Variants in SGCZ observed in about 807,000 individuals in gnomAD.
The protein encoded by SGCZ is sarcoglycan zeta.
In SGCZ, 40 loss-of-function variants were observed where a neutral mutation model predicts 41.3. That is an observed-to-expected ratio of 0.97 (90% CI 0.75 to 1.26). The LOEUF (loss-of-function observed/expected upper bound fraction) is 1.26, where lower values mean the gene tolerates loss of function less well. Among genes scored for constraint, SGCZ ranks in the 50% most tolerant of loss-of-function variants. SGCZ has a pLI of 0.00. For missense variants in SGCZ, 552 were observed against 369.8 expected (o/e 1.49, Z -4.04); for synonymous variants, 206 against 137.5 (o/e 1.50, Z -3.49).
intron 4 of SGCZ, among the ~76,000 whole-genome samples, chr8:14,231,533 C>G (rs1299888497): frequency 6.6e-6 from 1 of 151,542 alleles, no homozygotes; most frequent in African/African-American, 2.4e-5. Context: ...CACACACACA[C>G]CATGTCTTGC....
chr8:14,499,483 CTG>C (rs1181609002), intron 2 of SGCZ, among the ~76,000 whole-genome samples: 1 of 151,836 alleles, frequency 6.6e-6, no homozygotes. Flanking sequence ...TGAAACTTAA[CTG>C]TTGCAATATA....
In SGCZ at chr8:14,511,863, C is replaced by A. The variant is rs539047725; in HGVS notation, c.234+42869G>T. Among the ~76,000 whole-genome samples the A allele has an allele frequency of 1.8e-4, 27 of 152,134 alleles. 1 individual carries two copies. The South Asian group carries it at 5.2e-3, about 29-fold the overall frequency. On this transcript the variant is annotated intron_variant, in intron 2 of 7. Coordinates refer to ENST00000382080, the MANE Select transcript of SGCZ (RefSeq NM_139167.4). ...TTAACTCTTAAAGGACAGGGTATCC[C>A]TTGATTACATCTGGGTACCACCAAC... is the stretch of plus-strand genomic sequence containing the variant.
chr8:15,038,821 A>G (rs1398246734), intron 1 of SGCZ, among the ~76,000 whole-genome samples: 3 of 73,808 alleles, frequency 4.1e-5, no homozygotes, highest in African/African-American at 1.4e-4. Flanking sequence ...TCTCAAAAAA[A>G]AAAAAAAAAA....
intron 3 of SGCZ, among the ~76,000 whole-genome samples, chr8:14,289,288 C>A (rs572117889): frequency 2.1e-4 from 32 of 151,022 alleles, no homozygotes; most frequent in African/African-American, 7.5e-4. Flanking sequence ...TATAATTTAT[C>A]TGTTATTTCT....
chr8:14,667,140 C>T (rs1347080763), intron 1 of SGCZ, among the ~76,000 whole-genome samples: 2 of 151,938 alleles, frequency 1.3e-5, no homozygotes, highest in Admixed American at 1.3e-4. Flanking sequence ...TTGAAAGTTT[C>T]CAATAAATAT....
At chr8:14,612,927 C>T (rs539244374) in intron 1 of SGCZ, among the ~76,000 whole-genome samples, 1 of 152,190 alleles carries the variant, frequency 6.6e-6, no homozygotes, top group Non-Finnish European at 1.5e-5. Flanking sequence ...CTCAGGCTAT[C>T]CACTTGCCTC....
intron 1 of SGCZ, among the ~76,000 whole-genome samples, chr8:14,967,214 T>C (rs1801151052): frequency 6.6e-6 from 1 of 152,164 alleles, no homozygotes. Context: ...AAAATGCAGA[T>C]TCTAATTCAG....
At chr8:14,309,259 G>C (rs1801447338) in intron 3 of SGCZ, 5 of 1,534,742 alleles carry the variant, frequency 3.3e-6, no homozygotes. Flanking sequence ...ACCATATCCA[G>C]TTGTCTAGTA....
At chr8:14,608,711 G>T (rs909562848) in intron 1 of SGCZ, among the ~76,000 whole-genome samples, 2 of 152,012 alleles carry the variant, frequency 1.3e-5, no homozygotes, top group African/African-American at 4.8e-5. Flanking sequence ...GGCTTGGTAT[G>T]GGGGATCCAC....
At chr8:14,979,405 C>A (rs1335213775) in intron 1 of SGCZ, among the ~76,000 whole-genome samples, 1 of 151,996 alleles carries the variant, frequency 6.6e-6, no homozygotes, top group Non-Finnish European at 1.5e-5. Context: ...AAATTTGTAG[C>A]CATTAAAAAT....
chr8:15,093,624 G>C (rs973924028), intron 1 of SGCZ, among the ~76,000 whole-genome samples: 4 of 152,076 alleles, frequency 2.6e-5, no homozygotes, highest in African/African-American at 7.2e-5. Context: ...TTAAATGGTA[G>C]GCATACCTCT....
chr8:15,171,530 G>C lies in SGCZ; in HGVS notation c.39+66055C>G, dbSNP rs76021520. ...TCTGAAAATCACTCAAAGTCTAAAA[G>C]CTACTTCTCTTTTTAGCTGGAGATC... On this transcript the variant is annotated intron_variant, in intron 1 of 7. Transcript: ENST00000382080. Among the ~76,000 whole-genome samples, 916 of 152,226 alleles carry C rather than the reference G, an allele frequency of 6.0e-3. 24 individuals are homozygous for C. In the East Asian group the frequency reaches 0.08, roughly 13 times the overall value.
chr8:14,194,943 T>C (rs35846575), intron 4 of SGCZ, among the ~76,000 whole-genome samples: 11,417 of 152,136 alleles, frequency 0.075, 598 homozygotes, highest in African/African-American at 0.14. Context: ...AAACCTCACG[T>C]GCAGAATTCA....
chr8:15,051,151 G>A (rs1408820880), intron 1 of SGCZ, among the ~76,000 whole-genome samples: 1 of 152,102 alleles, frequency 6.6e-6, no homozygotes, highest in African/African-American at 2.4e-5. Context: ...GAAATTCAAA[G>A]ACTTCTTCAG....
intron 2 of SGCZ, among the ~76,000 whole-genome samples, chr8:14,388,839 G>GA (rs57599520): frequency 4.8e-4 from 67 of 140,270 alleles, no homozygotes; most frequent in Admixed American, 1.6e-3. Context: ...TAATAAAAAA[G>GA]AAAAAAAAAA....
At chr8:14,496,218 A>G (rs1329266120) in intron 2 of SGCZ, among the ~76,000 whole-genome samples, 3 of 147,284 alleles carry the variant, frequency 2.0e-5, no homozygotes, top group Non-Finnish European at 3.0e-5. Context: ...GGTGCACAAC[A>G]TCATGCCTGG....
At chr8:14,978,665 C>A (rs962652784) in intron 1 of SGCZ, among the ~76,000 whole-genome samples, 2 of 152,040 alleles carry the variant, frequency 1.3e-5, no homozygotes, top group East Asian at 1.9e-4. Flanking sequence ...TCAAATCTCA[C>A]TTTCCTTTGC....
chr8:14,105,430 T>C (rs1802173809), intron 6 of SGCZ, among the ~76,000 whole-genome samples: 2 of 152,196 alleles, frequency 1.3e-5, no homozygotes, highest in African/African-American at 4.8e-5. Context: ...TAACATTTTA[T>C]TGACTTGGCC....
chr8:14,112,134 A>C (rs541970144), intron 5 of SGCZ, among the ~76,000 whole-genome samples: 1 of 152,292 alleles, frequency 6.6e-6, no homozygotes, highest in South Asian at 2.1e-4. Context: ...GAAAGGCAAG[A>C]ACACCTCACA....
Sources: gnomAD v4.1 joint callset for allele counts (sites outside exome capture counted in the v4.1 genomes callset) on GRCh38, gnomAD v4.1.1 for gene constraint, MANE v1.5 for transcripts, NCBI Gene and HGNC (gene_info 2026-07-23, HGNC 2026-07-21) for gene names.